The following PRKN variants were observed in gnomAD, a reference collection of about 807,000 sequenced individuals.
PRKN encodes the protein E3 ubiquitin-protein ligase parkin.
PRKN carries 56 observed loss-of-function variants against 59.5 expected under a neutral mutation model. The observed-to-expected ratio is 0.94, with a 90% CI of 0.76 to 1.18. The LOEUF is 1.18. Ranked by LOEUF, PRKN falls within the 50% of genes most tolerant of loss-of-function variation. The pLI, the probability that PRKN is intolerant of heterozygous loss-of-function variation, is 0.00. For missense variants in PRKN, 657 were observed against 596.4 expected (o/e 1.10, Z -1.06); for synonymous variants, 250 against 222.1 (o/e 1.13, Z -1.12).
intron 6 of PRKN, among the ~76,000 whole-genome samples, chr6:161,787,671 G>A (rs983103073): frequency 1.5e-4 from 23 of 152,224 alleles, no homozygotes; most frequent in Non-Finnish European, 8.8e-5. Flanking sequence ...TAGAGGCCAG[G>A]CGTGGTGGCT....
chr6:162,285,322 A>G (rs1400178120), intron 2 of PRKN, among the ~76,000 whole-genome samples: 1 of 137,656 alleles, frequency 7.3e-6, no homozygotes, highest in Non-Finnish European at 1.5e-5. Context: ...TACTCTTGAC[A>G]TAACATCTGG....
rs1785285558 is a variant in PRKN at position 161,680,726 on chromosome 6, C to CATACATAT, written c.871+105045_871+105046insATATGTAT. On this transcript the variant is annotated intron_variant, in intron 7 of 11. Transcript: ENST00000366898. ...TGGGCTCTGAAAACATCCTGAAATA[C>CATACATAT]ATATATATATATATATATATATATA... Among the ~76,000 whole-genome samples, 23 of 51,022 alleles carry CATACATAT rather than the reference C, an allele frequency of 4.5e-4. No homozygotes were observed. In the Admixed American group the frequency reaches 5.4e-3, roughly 12 times the overall value. 33.5% of individuals were successfully genotyped at this position (51,022 alleles called of 152,430 possible). A position where few individuals can be genotyped will look rare whatever the true frequency, so the allele number is the denominator to read the frequency against.
intron 7 of PRKN, among the ~76,000 whole-genome samples, chr6:161,775,116 C>T (rs533217741): frequency 4.6e-4 from 70 of 152,266 alleles, no homozygotes; most frequent in Non-Finnish European, 7.8e-4. Context: ...TGTGGATAGG[C>T]TCTGGGTAGT....
intron 1 of PRKN, among the ~76,000 whole-genome samples, chr6:162,460,941 C>T (rs1356629865): frequency 2.0e-5 from 3 of 152,130 alleles, no homozygotes; most frequent in Non-Finnish European, 4.4e-5. Flanking sequence ...TCACACTGTT[C>T]TAATTTCCAT....
rs1784626224 is a variant in PRKN at position 161,353,122 on chromosome 6, T to C, written c.1286-2911A>G. On this transcript the variant is annotated intron_variant, in intron 11 of 11. Coordinates refer to ENST00000366898, the MANE Select transcript of PRKN (RefSeq NM_004562.3). This position sits in a 1 kb window ranked among gnomAD's most constrained non-coding sequence, Gnocchi z 4.8. Reference sequence around the variant, plus strand: ...CACAGTCCCTGGCTTATAACTCCCATAGCTCTTGTTACAGTCTTTTGTCAT... The same window carrying C: ...CACAGTCCCTGGCTTATAACTCCCACAGCTCTTGTTACAGTCTTTTGTCAT... 2.0e-5 allele frequency among the ~76,000 whole-genome samples: 3 copies of C among 152,134 alleles called. No homozygotes were observed. Among genetic ancestry groups the C allele is most frequent in the Non-Finnish European group, 4.4e-5 (3 of 68,022 alleles).
chr6:161,570,149 AT>A (rs59769047), intron 7 of PRKN, among the ~76,000 whole-genome samples: 272 of 109,344 alleles, frequency 2.5e-3, no homozygotes, highest in Non-Finnish European at 3.6e-3. Context: ...AAAAAAAAAT[AT>A]ATATATATAT....
chr6:161,869,106 C>T (rs929572911), intron 6 of PRKN, among the ~76,000 whole-genome samples: 43 of 152,132 alleles, frequency 2.8e-4, no homozygotes, highest in African/African-American at 9.2e-4. Flanking sequence ...TAGCTGGGCG[C>T]GATGGCTTAT....
intron 1 of PRKN, among the ~76,000 whole-genome samples, chr6:162,683,085 G>A (rs1014264304): frequency 1.3e-5 from 2 of 152,004 alleles, no homozygotes; most frequent in African/African-American, 2.4e-5. Flanking sequence ...TAATGAACAC[G>A]CATTATTATG....
intron 2 of PRKN, among the ~76,000 whole-genome samples, chr6:162,323,429 T>G (rs893845774): frequency 5.2e-5 from 7 of 135,738 alleles, no homozygotes; most frequent in African/African-American, 2.0e-4. Flanking sequence ...ATAAAAAAAA[T>G]TAAAGACTTC....
At chr6:161,977,737 C>T (rs982894179) in intron 5 of PRKN, among the ~76,000 whole-genome samples, 6 of 150,906 alleles carry the variant, frequency 4.0e-5, no homozygotes, top group South Asian at 4.2e-4. Flanking sequence ...TTAGTAGAGA[C>T]GGGGTTTCAC....
rs552891197 is a variant in PRKN, at chr6:162,583,985, G to C, written c.8-140512C>G. ...TCCCAGCACTTTGGGAGGCTGAGGC[G>C]AGCGGATCACAAGGTCAGGAGATCA... is the stretch of plus-strand genomic sequence containing the variant. On this transcript the variant is annotated intron_variant, in intron 1 of 11. Coordinates refer to ENST00000366898, the MANE Select transcript of PRKN (RefSeq NM_004562.3). Among the ~76,000 whole-genome samples the C allele has an allele frequency of 3.9e-5, 6 of 152,070 alleles. No individual in the cohort carries two copies. In the South Asian group the frequency reaches 8.3e-4, roughly 21 times the overall value.
At chr6:161,639,799 A>G (rs977980618) in intron 7 of PRKN, among the ~76,000 whole-genome samples, 2 of 152,166 alleles carry the variant, frequency 1.3e-5, no homozygotes, top group Admixed American at 6.5e-5. Flanking sequence ...AGGAGGGGCT[A>G]TTTATTGGAT....
intron 7 of PRKN, among the ~76,000 whole-genome samples, chr6:161,676,019 T>C (rs1785072350): frequency 6.6e-6 from 1 of 152,226 alleles, no homozygotes; most frequent in Non-Finnish European, 1.5e-5. Flanking sequence ...CTGAATTATG[T>C]GACCTCTGAG....
intron 2 of PRKN, among the ~76,000 whole-genome samples, chr6:162,406,916 GA>G (rs1788102449): frequency 6.6e-6 from 1 of 151,930 alleles, no homozygotes; most frequent in Non-Finnish European, 1.5e-5. Context: ...AGCTATTCTT[GA>G]AAGTTTAATA....
At chr6:161,714,761 T>A (rs1042740550) in intron 7 of PRKN, among the ~76,000 whole-genome samples, 2 of 152,180 alleles carry the variant, frequency 1.3e-5, no homozygotes, top group African/African-American at 2.4e-5. Context: ...AGTGAATGCA[T>A]TATGAAAGAA....
chr6:162,450,652 G>A (rs1045786275), intron 1 of PRKN, among the ~76,000 whole-genome samples: 35 of 151,998 alleles, frequency 2.3e-4, no homozygotes, highest in African/African-American at 8.0e-4. Flanking sequence ...CGAAAACATC[G>A]CACAAAACGC....
rs940360748 is a variant in PRKN at position 161,488,059 on chromosome 6, T to A, written c.1083+60795A>T. 4.6e-5 allele frequency among the ~76,000 whole-genome samples: 7 copies of A among 152,130 alleles called. No homozygotes were observed. Among genetic ancestry groups the A allele is most frequent in the Admixed American group, 2.0e-4 (3 of 15,282 alleles). On this transcript the variant is annotated intron_variant, in intron 9 of 11. Coordinates refer to ENST00000366898, the MANE Select transcript of PRKN (RefSeq NM_004562.3). The surrounding 1 kb of genome is among the most constrained non-coding windows in gnomAD (Gnocchi z 4.5). The stretch of plus-strand genomic sequence containing the variant: ...TGTAATTCCAGTTAGTGGTAAGTGA[T>A]GAAGAAAGCAGGGCTGGCTTACAGG...
At chr6:161,803,400 AGT>A (rs959351778) in intron 6 of PRKN, among the ~76,000 whole-genome samples, 9 of 152,224 alleles carry the variant, frequency 5.9e-5, no homozygotes, top group African/African-American at 2.2e-4. Flanking sequence ...ATAGGATAGT[AGT>A]GTATGTGACA....
At position 161,681,403 on chromosome 6, in the gene PRKN, C is replaced by G. The variant is rs1040827892; in HGVS notation, c.871+104369G>C. The stretch of plus-strand genomic sequence containing the variant: ...GATCAGGAAAAATAACTTAAGTTAT[C>G]ATTTTTACCTTTTTCCAATTGCAAC... On this transcript the variant is annotated intron_variant, in intron 7 of 11. Coordinates refer to ENST00000366898, the MANE Select transcript of PRKN (RefSeq NM_004562.3). Among the ~76,000 whole-genome samples, 6 of 151,818 alleles carry G rather than the reference C, an allele frequency of 4.0e-5. No individual in the cohort carries two copies. The East Asian group carries it at 1.2e-3, about 29-fold the overall frequency.
Sources: gnomAD v4.1 joint callset for allele counts (sites outside exome capture counted in the v4.1 genomes callset) on GRCh38, gnomAD v4.1.1 for gene constraint, Gnocchi (gnomAD v3.1) non-coding constraint, MANE v1.5 for transcripts, NCBI Gene and HGNC (gene_info 2026-07-23, HGNC 2026-07-21) for gene names.